Variants in ERBB4 observed in about 807,000 individuals in gnomAD.
The protein encoded by ERBB4 is erb-b2 receptor tyrosine kinase 4, also known as receptor tyrosine-protein kinase erbB-4.
In ERBB4, 42 loss-of-function variants were observed where a neutral mutation model predicts 158.0. The observed-to-expected ratio is 0.27, with a 90% CI of 0.21 to 0.34. The LOEUF (loss-of-function observed/expected upper bound fraction) is 0.34, where lower values mean the gene tolerates loss of function less well. Ranked by LOEUF, ERBB4 falls within the 10% of genes least tolerant of loss-of-function variation. The probability of loss-of-function intolerance (pLI) is 1.00; values close to 1 mark genes in which losing one functional copy is unlikely to be tolerated. For missense variants in ERBB4, 1,333 were observed against 1,624.1 expected (o/e 0.82, Z 3.08); for synonymous variants, 583 against 558.7 (o/e 1.04, Z -0.61).
chr2:211,715,828 T>G (rs2106096826), intron 7 of ERBB4, among the ~76,000 whole-genome samples: 1 of 152,294 alleles, frequency 6.6e-6, no homozygotes, highest in Non-Finnish European at 1.5e-5. Flanking sequence ...ACCTCTTTTG[T>G]TTATCAATTA....
intron 3 of ERBB4, among the ~76,000 whole-genome samples, chr2:211,944,962 G>C (rs1033575275): frequency 3.3e-5 from 5 of 152,014 alleles, no homozygotes; most frequent in Non-Finnish European, 7.4e-5. Context: ...TTTATACCAG[G>C]TATAAAAAAT....
Position 212,399,693 on chromosome 2 carries a change from C to T in ERBB4, c.82+138756G>A, listed in dbSNP as rs1439422365. 2.4e-5 allele frequency among the ~76,000 whole-genome samples: 3 copies of T among 125,410 alleles called. No individual in the cohort carries two copies. In the East Asian group the frequency reaches 6.3e-4, roughly 27 times the overall value. 82.3% of individuals were successfully genotyped at this position (125,410 alleles called of 152,430 possible). ...CACCCTGGCCAACATTGTGAAACCC[C>T]GTCTCTACTAAAAATACAAAAAAAA... On this transcript the variant is annotated intron_variant, in intron 1 of 27. Coordinates refer to ENST00000342788, the MANE Select transcript of ERBB4 (RefSeq NM_005235.3).
intron 1 of ERBB4, among the ~76,000 whole-genome samples, chr2:212,349,322 C>CACACACACACA (rs2089153735): frequency 6.7e-6 from 1 of 150,336 alleles, no homozygotes; most frequent in Non-Finnish European, 1.5e-5. Flanking sequence ...CACACACACA[C>CACACACACACA]CCTTCAAGTG....
intron 1 of ERBB4, among the ~76,000 whole-genome samples, chr2:212,158,107 A>G (rs2125642080): frequency 6.6e-6 from 1 of 152,152 alleles, no homozygotes; most frequent in South Asian, 2.1e-4. Flanking sequence ...CATTTGTCTC[A>G]CTGAATCCTT....
intron 19 of ERBB4, among the ~76,000 whole-genome samples, chr2:211,615,407 C>G (rs559798369): frequency 1.6e-4 from 24 of 152,102 alleles, no homozygotes; most frequent in African/African-American, 5.5e-4. Flanking sequence ...GAAACAAGAA[C>G]TAGGAGCAGG....
At chr2:211,813,092 A>T (rs1447183562) in intron 3 of ERBB4, among the ~76,000 whole-genome samples, 1 of 152,194 alleles carries the variant, frequency 6.6e-6, no homozygotes, top group Non-Finnish European at 1.5e-5. Context: ...CAGGTACCTC[A>T]GTTGGAAAGG....
At chr2:211,858,473 A>G (rs996823311) in intron 3 of ERBB4, among the ~76,000 whole-genome samples, 2 of 152,230 alleles carry the variant, frequency 1.3e-5, no homozygotes, top group African/African-American at 4.8e-5. Flanking sequence ...AGTCCTCAGC[A>G]TGGTTTGATT....
intron 1 of ERBB4, among the ~76,000 whole-genome samples, chr2:212,475,527 G>C (rs1234512901): frequency 6.6e-6 from 1 of 151,980 alleles, no homozygotes; most frequent in Non-Finnish European, 1.5e-5. Flanking sequence ...AGCCTTCTCT[G>C]CATAATTAAG....
chr2:212,183,238 T>TA (rs2081926374), intron 1 of ERBB4, among the ~76,000 whole-genome samples: 1 of 151,820 alleles, frequency 6.6e-6, no homozygotes, highest in Non-Finnish European at 1.5e-5. Flanking sequence ...GTTGTAGTAA[T>TA]AAAAAATAAA....
chr2:211,524,761 C>T (rs1235201614), intron 20 of ERBB4, among the ~76,000 whole-genome samples: 3 of 152,166 alleles, frequency 2.0e-5, no homozygotes, highest in Admixed American at 6.5e-5. Context: ...ACCTCTCCCT[C>T]CACACCTCCC....
chr2:212,378,631 C>G (rs2090404825), intron 1 of ERBB4, among the ~76,000 whole-genome samples: 1 of 151,720 alleles, frequency 6.6e-6, no homozygotes. Context: ...TCACTCGCAA[C>G]TAAATATTTT....
At chr2:211,457,135 C>T (rs2064402009) in intron 20 of ERBB4, among the ~76,000 whole-genome samples, 1 of 152,116 alleles carries the variant, frequency 6.6e-6, no homozygotes, top group African/African-American at 2.4e-5. Flanking sequence ...AAGATGGACT[C>T]GCTCTAAATC....
chr2:211,940,646 G>A (rs562034607), intron 3 of ERBB4, among the ~76,000 whole-genome samples: 6 of 141,872 alleles, frequency 4.2e-5, no homozygotes, highest in Non-Finnish European at 8.0e-5. Flanking sequence ...GATTCCTGAA[G>A]GGGTCATAAA....
chr2:212,508,977 T>C (rs917361426), intron 1 of ERBB4, among the ~76,000 whole-genome samples: 1 of 152,130 alleles, frequency 6.6e-6, no homozygotes, highest in Admixed American at 6.5e-5. Context: ...ATTAATGTGG[T>C]AATTATTTAT....
At chr2:211,961,935 T>C (rs1011587546) in intron 2 of ERBB4, among the ~76,000 whole-genome samples, 2 of 152,108 alleles carry the variant, frequency 1.3e-5, no homozygotes, top group Non-Finnish European at 2.9e-5. Context: ...ACTTGGGTGA[T>C]AAAACTATAA....
chr2:211,734,601 A>G (rs1180292065), intron 5 of ERBB4, among the ~76,000 whole-genome samples: 5 of 145,284 alleles, frequency 3.4e-5, no homozygotes, highest in Non-Finnish European at 7.4e-5. Context: ...AACCATAACT[A>G]GGGAAATAGC....
chr2:212,202,309 T>C (rs770999158), intron 1 of ERBB4, among the ~76,000 whole-genome samples: 5 of 152,192 alleles, frequency 3.3e-5, no homozygotes, highest in Admixed American at 1.3e-4. Context: ...GTATCAGGCA[T>C]ACATAGGCAC....
At chr2:211,544,217 T>C (rs2066884834) in intron 20 of ERBB4, among the ~76,000 whole-genome samples, 1 of 152,072 alleles carries the variant, frequency 6.6e-6, no homozygotes, top group Non-Finnish European at 1.5e-5. Flanking sequence ...TTACTGTAAT[T>C]TATTATATTG....
chr2:212,110,026 C>T (rs1427605392), intron 2 of ERBB4, among the ~76,000 whole-genome samples: 1 of 152,148 alleles, frequency 6.6e-6, no homozygotes. Flanking sequence ...CTTTCTGTGC[C>T]TCGTTGCCCT....
Sources: allele counts gnomAD v4.1 joint callset (sites outside exome capture counted in the v4.1 genomes callset), GRCh38; gene constraint gnomAD v4.1.1; transcripts MANE v1.5; gene names NCBI Gene and HGNC (gene_info 2026-07-23, HGNC 2026-07-21).